Variants in RAI2 observed in about 807,000 individuals in gnomAD.
RAI2 encodes the protein retinoic acid-induced protein 2.
In RAI2, 5 loss-of-function variants were observed where a neutral mutation model predicts 15.3. The observed-to-expected ratio is 0.33, with a 90% CI of 0.17 to 0.69. The LOEUF (loss-of-function observed/expected upper bound fraction) is 0.69. RAI2 is among the 30% of genes least tolerant of loss of function. The pLI, the probability that RAI2 is intolerant of heterozygous loss-of-function variation, is 0.69. For synonymous variants in RAI2, 191 were observed against 184.0 expected (o/e 1.04, Z -0.31); for missense variants, 424 against 424.7 (o/e 1.00, Z 0.01).
intron 1 of RAI2, among the ~76,000 whole-genome samples, chrX:17,830,761 A>G (rs1343734039): frequency 3.6e-5 from 4 of 111,236 alleles, no homozygotes; most frequent in Non-Finnish European, 7.5e-5. Context: ...TTATACCTCC[A>G]CAACCTGTCA....
intron 1 of RAI2, among the ~76,000 whole-genome samples, chrX:17,815,530 C>T (rs868152821): frequency 9.0e-6 from 1 of 111,268 alleles, no homozygotes; most frequent in Non-Finnish European, 1.9e-5. Flanking sequence ...CTGGACCTTG[C>T]CACATGAGTA....
chrX:17,834,825 G>A (rs1003108342), intron 1 of RAI2, among the ~76,000 whole-genome samples: 17 of 110,674 alleles, frequency 1.5e-4, no homozygotes, highest in African/African-American at 4.9e-4. Context: ...GATGGAAAGA[G>A]GTCGCGTATG....
At chrX:17,853,216 G>A (rs2067557580) in intron 1 of RAI2, among the ~76,000 whole-genome samples, 1 of 111,698 alleles carries the variant, frequency 9.0e-6, no homozygotes, top group Admixed American at 9.5e-5. Flanking sequence ...TTATAAAATT[G>A]CCTGCCTTGA....
chrX:17,813,550 C>T (rs2147225018), intron 1 of RAI2, among the ~76,000 whole-genome samples: 1 of 111,279 alleles, frequency 9.0e-6, no homozygotes, highest in East Asian at 2.8e-4. Flanking sequence ...TTTGCGGGGC[C>T]CATTGGAAGG....
chrX:17,830,742 G>GT (rs1193420341), intron 1 of RAI2, among the ~76,000 whole-genome samples: 36 of 108,619 alleles, frequency 3.3e-4, no homozygotes, highest in African/African-American at 1.1e-3. Flanking sequence ...GGGTGTGTGT[G>GT]GGGGGGTGTT....
chrX:17,808,890 A>G (rs2147217874), intron 1 of RAI2, among the ~76,000 whole-genome samples: 1 of 112,731 alleles, frequency 8.9e-6, no homozygotes, highest in South Asian at 3.6e-4. Flanking sequence ...TCATCATTTA[A>G]TTCTACATGT....
rs2066885311 is a variant in RAI2, at chrX:17,800,311, C to T, written c.*107G>A. On this transcript the variant is annotated 3_prime_UTR_variant, in exon 2 of 2. Transcript: ENST00000451717. Reference sequence around the variant, plus strand: ...GCCAATTCACCTTTCCATTTCCCAACTACTCCCCAAAATAATTAACAAAGA... The same window carrying T: ...GCCAATTCACCTTTCCATTTCCCAATTACTCCCCAAAATAATTAACAAAGA... The T allele has an allele frequency of 1.9e-6, 2 of 1,032,511 alleles. No individual in the cohort carries two copies. The highest frequency in any genetic ancestry group is 2.6e-6 in the Non-Finnish European group (2 of 781,553). The allele number at this position is 1,032,511 out of a possible 1,213,427, so 85.1% of individuals were successfully genotyped here. A position where few individuals can be genotyped will look rare whatever the true frequency, so the allele number is the denominator to read the frequency against.
intron 1 of RAI2, among the ~76,000 whole-genome samples, chrX:17,827,143 T>C (rs764649777): frequency 1.3e-3 from 151 of 112,089 alleles, no homozygotes; most frequent in Non-Finnish European, 1.8e-3. Context: ...CACTGGGATA[T>C]GGAGAACTTG....
intron 1 of RAI2, among the ~76,000 whole-genome samples, chrX:17,846,477 C>T (rs1290162385): frequency 6.3e-5 from 7 of 111,992 alleles, no homozygotes; most frequent in Non-Finnish European, 9.4e-5. Context: ...CTATTTAAAG[C>T]GTATGTATTT....
At chrX:17,807,936 A>G (rs2067000233) in intron 1 of RAI2, among the ~76,000 whole-genome samples, 1 of 112,204 alleles carries the variant, frequency 8.9e-6, no homozygotes, top group Non-Finnish European at 1.9e-5. Context: ...TCTATGGAGC[A>G]TGGAGACGGC....
chrX:17,834,835 G>A (rs2067317225), intron 1 of RAI2, among the ~76,000 whole-genome samples: 1 of 110,970 alleles, frequency 9.0e-6, no homozygotes, highest in Admixed American at 9.6e-5. Context: ...GGTCGCGTAT[G>A]TAATACTATT....
At chrX:17,827,627 G>T (rs1355092209) in intron 1 of RAI2, among the ~76,000 whole-genome samples, 1 of 111,945 alleles carries the variant, frequency 8.9e-6, no homozygotes, top group Non-Finnish European at 1.9e-5. Flanking sequence ...ACTTATTGTA[G>T]CCTTGGCTCC....
At chrX:17,837,108 A>C (rs1426625235) in intron 1 of RAI2, among the ~76,000 whole-genome samples, 4 of 111,866 alleles carry the variant, frequency 3.6e-5, no homozygotes, top group African/African-American at 1.3e-4. Context: ...TGCCTGGGCT[A>C]AGCATGCTTC....
At chrX:17,856,525 C>T (rs2067608633) in intron 1 of RAI2, among the ~76,000 whole-genome samples, 2 of 112,435 alleles carry the variant, frequency 1.8e-5, no homozygotes, top group Non-Finnish European at 1.9e-5. Flanking sequence ...TTTGACTTCC[C>T]ATCCTCCAGA....
rs73447866 is a variant in RAI2 at position 17,850,560 on chromosome X, T to C, written c.-25+10538A>G. On this transcript the variant is annotated intron_variant, in intron 1 of 1. Coordinates refer to ENST00000451717, the MANE Select transcript of RAI2 (RefSeq NM_021785.6). ...GGCTTAGGACAAAGCCAGCTCTCTATGAGTGAGGGGTCAGAAGAGCTGAGT... is the reference window on the plus strand; with the variant it reads ...GGCTTAGGACAAAGCCAGCTCTCTACGAGTGAGGGGTCAGAAGAGCTGAGT... Among the ~76,000 whole-genome samples the C allele has an allele frequency of 6.9e-3, 771 of 112,205 alleles. 5 individuals carry two copies. The highest frequency in any genetic ancestry group is 0.023 in the African/African-American group (699 of 30,866).
intron 1 of RAI2, among the ~76,000 whole-genome samples, chrX:17,804,651 T>G (rs7054606): frequency 0.06 from 6,723 of 112,031 alleles, 198 homozygotes; most frequent in African/African-American, 0.1. Flanking sequence ...GGGGTTAGGA[T>G]TATCCAGCTG....
intron 1 of RAI2, among the ~76,000 whole-genome samples, chrX:17,841,889 A>G (rs897309178): frequency 1.4e-4 from 16 of 112,838 alleles, no homozygotes; most frequent in African/African-American, 4.8e-4. Flanking sequence ...CAAGTAACTC[A>G]TCAGAAATCT....
Position 17,800,304 on chromosome X carries a change from T to C in RAI2, c.*114A>G. On this transcript the variant is annotated 3_prime_UTR_variant, in exon 2 of 2. Transcript: ENST00000451717. Reference sequence around the variant, plus strand: ...CTCTAGAGCCAATTCACCTTTCCATTTCCCAACTACTCCCCAAAATAATTA... The same window carrying C: ...CTCTAGAGCCAATTCACCTTTCCATCTCCCAACTACTCCCCAAAATAATTA... 9.8e-7 allele frequency: 1 copy of C among 1,015,739 alleles called. No individual in the cohort carries two copies. The highest frequency in any genetic ancestry group is 3.1e-5 in the East Asian group (1 of 32,172). 83.7% of individuals were successfully genotyped at this position (1,015,739 alleles called of 1,213,427 possible).
chrX:17,856,339 G>T, intron 1 of RAI2, among the ~76,000 whole-genome samples: 1 of 111,720 alleles, frequency 9.0e-6, no homozygotes, highest in Non-Finnish European at 1.9e-5. Context: ...TGGGGCATTT[G>T]GTTGGTGATT....
Sources: gnomAD v4.1 joint callset for allele counts (sites outside exome capture counted in the v4.1 genomes callset) on GRCh38, gnomAD v4.1.1 for gene constraint, MANE v1.5 for transcripts, NCBI Gene and HGNC (gene_info 2026-07-23, HGNC 2026-07-21) for gene names.